Variants in SGCD observed in about 807,000 individuals in gnomAD.
SGCD encodes the protein sarcoglycan delta, also known as delta-sarcoglycan.
A neutral mutation model predicts 36.6 loss-of-function variants in SGCD; 18 were observed. The observed-to-expected ratio is 0.49, with a 90% CI of 0.34 to 0.73. The LOEUF is 0.73. Ranked by LOEUF, SGCD falls within the 30% of genes least tolerant of loss-of-function variation. The pLI, the probability that SGCD is intolerant of heterozygous loss-of-function variation, is 0.01. For missense variants in SGCD, 387 were observed against 346.7 expected (o/e 1.12, Z -0.92); for synonymous variants, 133 against 130.6 (o/e 1.02, Z -0.12).
intron 1 of SGCD, among the ~76,000 whole-genome samples, chr5:156,006,410 A>T (rs369872440): frequency 6.6e-6 from 1 of 152,194 alleles, no homozygotes; most frequent in African/African-American, 2.4e-5. Flanking sequence ...AAACAGGGCG[A>T]TAGCTATTGC....
intron 1 of SGCD, among the ~76,000 whole-genome samples, chr5:156,098,815 G>C (rs1761445365): frequency 6.6e-6 from 1 of 152,182 alleles, no homozygotes; most frequent in African/African-American, 2.4e-5. Flanking sequence ...TAGGTTTTCT[G>C]GTTCAGGCTG....
At chr5:156,236,033 A>G (rs1196410332) in intron 3 of SGCD, among the ~76,000 whole-genome samples, 1 of 152,238 alleles carries the variant, frequency 6.6e-6, no homozygotes, top group Non-Finnish European at 1.5e-5. Context: ...ATACTTGTTG[A>G]TGCTGTAATC....
chr5:156,261,467 C>T (rs2312059), intron 3 of SGCD, among the ~76,000 whole-genome samples: 24,295 of 152,172 alleles, frequency 0.16, 2,147 homozygotes, highest in Admixed American at 0.21. Flanking sequence ...AGTGACGTCA[C>T]AGCCATCATA....
intron 3 of SGCD, among the ~76,000 whole-genome samples, chr5:156,485,812 G>A (rs559465569): frequency 1.3e-5 from 2 of 152,108 alleles, no homozygotes; most frequent in African/African-American, 4.8e-5. Context: ...GAGCTCTGAG[G>A]CAGGGAAGGA....
At position 156,757,680 on chromosome 5, in the gene SGCD, G is replaced by T; in HGVS notation, c.675G>T (p.Leu225=). ...GNMEATCRTE[L]RLESKDGEIK... Reference sequence around the variant, plus strand: ...TGGAAGCCACCTGCAGGACAGAGCTGAGACTGGAATCCAAAGATGGAGAGG... The same window carrying T: ...TGGAAGCCACCTGCAGGACAGAGCTTAGACTGGAATCCAAAGATGGAGAGG... The change falls in exon 8 of 9, where the codon CTG becomes CTT. Residue 225 remains leucine, a synonymous_variant. Coordinates refer to ENST00000337851, the MANE Select transcript of SGCD (RefSeq NM_000337.6). 1 of 1,607,494 alleles carries T rather than the reference G, an allele frequency of 6.2e-7. No individual in the cohort carries two copies. The highest frequency in any genetic ancestry group is 1.7e-5 in the Admixed American group (1 of 58,974).
At chr5:156,454,255 T>A (rs528216362) in intron 3 of SGCD, among the ~76,000 whole-genome samples, 3 of 152,310 alleles carry the variant, frequency 2.0e-5, no homozygotes, top group African/African-American at 7.2e-5. Flanking sequence ...GAAAAAAGTC[T>A]GTATAAAACC....
rs1027907470 is a variant in SGCD, at chr5:156,011,287, T to C, written c.-281-106591T>C. 2.0e-5 allele frequency among the ~76,000 whole-genome samples: 3 copies of C among 152,092 alleles called. No homozygotes were observed. In the South Asian group the frequency reaches 6.2e-4, roughly 32 times the overall value. Reference sequence around the variant, plus strand: ...GGTGTCTTTCAGAACTTAGAATTTTTTTAATTATAGGAAGGTACTACAGTA... The same window carrying C: ...GGTGTCTTTCAGAACTTAGAATTTTCTTAATTATAGGAAGGTACTACAGTA... On this transcript the variant is annotated intron_variant, in intron 1 of 9. Coordinates refer to the SGCD transcript ENST00000517913.
rs185966325 is a variant in SGCD at position 156,502,070 on chromosome 5, G to A, written c.193-6531G>A. 2.8e-4 allele frequency among the ~76,000 whole-genome samples: 41 copies of A among 148,138 alleles called. 1 individual carries two copies. The East Asian group carries it at 4.1e-3, about 15-fold the overall frequency. ...TTTTTTTTTGTTTGGTTTTTGGGAC[G>A]GAGTCTTGCTCTGTTGCCCAGGCTG... On this transcript the variant is annotated intron_variant, in intron 3 of 8. Coordinates refer to ENST00000337851, the MANE Select transcript of SGCD (RefSeq NM_000337.6).
intron 3 of SGCD, among the ~76,000 whole-genome samples, chr5:156,270,992 C>CA (rs921531926): frequency 3.2e-4 from 49 of 151,890 alleles, no homozygotes; most frequent in Non-Finnish European, 5.3e-4. Flanking sequence ...GTGTAAATGG[C>CA]AAAAAAACTT....
intron 4 of SGCD, among the ~76,000 whole-genome samples, chr5:156,580,463 T>C (rs1331216969): frequency 2.0e-5 from 3 of 152,206 alleles, no homozygotes; most frequent in Non-Finnish European, 4.4e-5. Context: ...TTGGCCTGCT[T>C]TGCTAGGTTG....
chr5:155,840,042 G>T, the SGCD span, among the ~76,000 whole-genome samples: 1 of 150,576 alleles, frequency 6.6e-6, no homozygotes. Context: ...TGCAATTATT[G>T]GTTTACCAAA....
At position 156,647,531 on chromosome 5, in the gene SGCD, A is replaced by G; in HGVS notation, c.570A>G (p.Glu190=). 1 of 1,569,676 alleles carries G rather than the reference A, an allele frequency of 6.4e-7. No homozygotes were observed. Among genetic ancestry groups the G allele is most frequent in the South Asian group, 1.2e-5 (1 of 85,686 alleles). The change falls in exon 7 of 9, where the codon GAA becomes GAG. Residue 190 remains glutamate (E), a synonymous_variant. Coordinates refer to ENST00000337851, the MANE Select transcript of SGCD (RefSeq NM_000337.6). ...TPNVRADPFK[E]LRLESPTRSL... ...ATGTCAGGGCAGACCCCTTCAAAGA[A>G]CTAAGGTAAACTTCTGACTTTGGTT...
chr5:155,965,313 A>G (rs781336238), intron 1 of SGCD, among the ~76,000 whole-genome samples: 2 of 152,122 alleles, frequency 1.3e-5, no homozygotes, highest in Non-Finnish European at 2.9e-5. Flanking sequence ...CTAGACTTCA[A>G]CCTACATCAG....
At chr5:156,746,286 T>C (rs1756933937) in intron 7 of SGCD, among the ~76,000 whole-genome samples, 1 of 151,852 alleles carries the variant, frequency 6.6e-6, no homozygotes, top group Non-Finnish European at 1.5e-5. Context: ...ATAGCCAAAA[T>C]CTCTCTCACA....
intron 1 of SGCD, among the ~76,000 whole-genome samples, chr5:155,890,865 G>A (rs1310132649): frequency 6.6e-6 from 1 of 152,100 alleles, no homozygotes; most frequent in African/African-American, 2.4e-5. Context: ...GGGTGGTGGT[G>A]GTGGGAGAAT....
intron 1 of SGCD, among the ~76,000 whole-genome samples, chr5:155,938,692 G>A (rs964745483): frequency 2.0e-5 from 3 of 152,172 alleles, no homozygotes; most frequent in African/African-American, 7.2e-5. Context: ...GAAAGGATAA[G>A]GAAACTGAGC....
intron 3 of SGCD, among the ~76,000 whole-genome samples, chr5:156,182,958 A>G (rs1763644557): frequency 6.6e-6 from 1 of 152,182 alleles, no homozygotes; most frequent in Non-Finnish European, 1.5e-5. Context: ...ATTTTTAATG[A>G]AATCTGTAAC....
Position 155,887,851 on chromosome 5 carries a change from A to G in SGCD, c.-282+17427A>G, listed in dbSNP as rs552653062. Among the ~76,000 whole-genome samples, 9 of 152,344 alleles carry G rather than the reference A, an allele frequency of 5.9e-5. No individual in the cohort carries two copies. The South Asian group carries it at 1.7e-3, about 28-fold the overall frequency. On this transcript the variant is annotated intron_variant, in intron 1 of 9. Coordinates refer to the SGCD transcript ENST00000517913. ...AACGATAGTAAAAATACTAGCTAAC[A>G]TTTGTTGAGCATTCACTTTATGTTG...
At chr5:155,823,887 A>G in the SGCD span, among the ~76,000 whole-genome samples, 1 of 152,156 alleles carries the variant, frequency 6.6e-6, no homozygotes, top group African/African-American at 2.4e-5. Context: ...TTCATATTTG[A>G]TGTTCTTGTT....
Sources: allele counts gnomAD v4.1 joint callset (sites outside exome capture counted in the v4.1 genomes callset), GRCh38; gene constraint gnomAD v4.1.1; transcripts MANE v1.5; gene names NCBI Gene and HGNC (gene_info 2026-07-23, HGNC 2026-07-21).